Variants in PRKCQ observed in about 807,000 individuals in gnomAD.
PRKCQ encodes protein kinase C theta type.
PRKCQ carries 41 observed loss-of-function variants against 91.2 expected under a neutral mutation model. That is an observed-to-expected ratio of 0.45 (90% CI 0.35 to 0.58). The LOEUF is 0.58. Among genes scored for constraint, PRKCQ ranks in the 20% least tolerant of loss-of-function variants. The pLI, the probability that PRKCQ is intolerant of heterozygous loss-of-function variation, is 0.00. For missense variants in PRKCQ, 673 were observed against 896.5 expected (o/e 0.75, Z 3.18); for synonymous variants, 307 against 316.9 (o/e 0.97, Z 0.33).
chr10:6,522,563 T>C (rs1001784577), intron 1 of PRKCQ, among the ~76,000 whole-genome samples: 5 of 152,160 alleles, frequency 3.3e-5, no homozygotes, highest in Admixed American at 2.0e-4. Flanking sequence ...TAGAAAGCAA[T>C]AGAAGTATAA....
rs867831982 is a variant in PRKCQ, at chr10:6,525,145, G to C, written c.-9-10001C>G. On this transcript the variant is annotated intron_variant, in intron 1 of 17. Transcript: ENST00000263125. ...TGAAATGACTATGGATTTATTTTAAGTTCTTTTTTTTTTTTTTTGAGGGTA... is the reference window on the plus strand; with the variant it reads ...TGAAATGACTATGGATTTATTTTAACTTCTTTTTTTTTTTTTTTGAGGGTA... Among the ~76,000 whole-genome samples the C allele has an allele frequency of 4.1e-5, 6 of 146,064 alleles. No homozygotes were observed. The East Asian group carries it at 1.2e-3, about 29-fold the overall frequency.
At chr10:6,561,439 T>A (rs181047069) in intron 1 of PRKCQ, among the ~76,000 whole-genome samples, 9 of 152,042 alleles carry the variant, frequency 5.9e-5, no homozygotes, top group Non-Finnish European at 1.3e-4. Context: ...AAGGGTATCT[T>A]TTTGAACTTT....
intron 16 of PRKCQ, among the ~76,000 whole-genome samples, chr10:6,437,012 T>C (rs1214083518): frequency 1.3e-5 from 2 of 152,104 alleles, no homozygotes; most frequent in African/African-American, 2.4e-5. Context: ...GGATTGTGAC[T>C]CTCCCTCCAG....
chr10:6,556,413 C>T (rs889087591), intron 1 of PRKCQ, among the ~76,000 whole-genome samples: 1 of 106,404 alleles, frequency 9.4e-6, no homozygotes, highest in Non-Finnish European at 1.8e-5. Flanking sequence ...GCCTGAGCAA[C>T]AAAGCAAGAC....
chr10:6,413,725 G>GCA, the PRKCQ span, among the ~76,000 whole-genome samples: 5 of 55,774 alleles, frequency 9.0e-5, 1 homozygote, highest in East Asian at 5.4e-4. Flanking sequence ...TGCCACTTGT[G>GCA]CGCGCGCACA....
At chr10:6,529,088 G>C (rs530618462) in intron 1 of PRKCQ, among the ~76,000 whole-genome samples, 54 of 152,326 alleles carry the variant, frequency 3.5e-4, no homozygotes, top group African/African-American at 1.2e-3. Context: ...CATGTCATAA[G>C]CCTGTGCAAT....
At position 6,490,852 on chromosome 10, in the gene PRKCQ, TC is replaced by T. The variant is rs144407104; in HGVS notation, c.790+830del. Among the ~76,000 whole-genome samples, 1,370 of 150,710 alleles carry T rather than the reference TC, an allele frequency of 9.1e-3. 54 individuals carry two copies. The highest frequency in any genetic ancestry group is 0.028 in the East Asian group (143 of 5,154). Reference sequence around the variant, plus strand: ...ATTCTCTGGGCTCTGCCCACGTCTCTCCCCAACCAGAAAGCAGAGTGCCTTG... The same window carrying T: ...ATTCTCTGGGCTCTGCCCACGTCTCTCCCAACCAGAAAGCAGAGTGCCTTG... On this transcript the variant is annotated intron_variant, in intron 8 of 17. Transcript: ENST00000263125.
intron 12 of PRKCQ, among the ~76,000 whole-genome samples, chr10:6,476,154 G>A (rs1052169966): frequency 1.9e-4 from 29 of 152,136 alleles, no homozygotes; most frequent in Non-Finnish European, 3.4e-4. Context: ...GCAACCTCAG[G>A]CATAAATGGG....
At chr10:6,568,543 G>T (rs1158182307) in intron 1 of PRKCQ, among the ~76,000 whole-genome samples, 1 of 149,760 alleles carries the variant, frequency 6.7e-6, no homozygotes, top group Non-Finnish European at 1.5e-5. Context: ...TGTCTCCCAG[G>T]CTGGACTGCA....
chr10:6,519,423 G>T (rs532399919), intron 1 of PRKCQ, among the ~76,000 whole-genome samples: 31 of 152,160 alleles, frequency 2.0e-4, no homozygotes, highest in South Asian at 2.1e-4. Context: ...AGGATTCAGG[G>T]CTTGGCTGGC....
intron 16 of PRKCQ, among the ~76,000 whole-genome samples, chr10:6,436,974 G>C (rs1366500900): frequency 1.3e-5 from 2 of 152,140 alleles, no homozygotes; most frequent in Non-Finnish European, 2.9e-5. Context: ...GGGGAAGCTG[G>C]CATTTATGGG....
chr10:6,498,361 C>A, intron 5 of PRKCQ, 35 bp downstream of exon 5: 8 of 1,609,046 alleles, frequency 5.0e-6, no homozygotes, highest in Non-Finnish European at 6.8e-6. Context: ...AAATGCATAA[C>A]CCGAAGCTTG....
At chr10:6,428,967 AC>A (rs2132220686) in intron 17 of PRKCQ, among the ~76,000 whole-genome samples, 1 of 152,346 alleles carries the variant, frequency 6.6e-6, no homozygotes, top group African/African-American at 2.4e-5. Context: ...CCAAAACCAA[AC>A]CAAACAACAG....
At chr10:6,562,228 C>A (rs1308692303) in intron 1 of PRKCQ, among the ~76,000 whole-genome samples, 1 of 152,160 alleles carries the variant, frequency 6.6e-6, no homozygotes, top group Non-Finnish European at 1.5e-5. Context: ...CATAAATGCC[C>A]CGGTCAGTGC....
intron 8 of PRKCQ, among the ~76,000 whole-genome samples, chr10:6,488,871 C>A (rs1001280477): frequency 6.6e-6 from 1 of 152,180 alleles, no homozygotes; most frequent in Non-Finnish European, 1.5e-5. Context: ...CCTCAAACCC[C>A]TGGGTTCAAG....
chr10:6,564,544 G>A (rs577059145), intron 1 of PRKCQ, among the ~76,000 whole-genome samples: 4 of 152,094 alleles, frequency 2.6e-5, no homozygotes, highest in Admixed American at 6.5e-5. Context: ...GGAGGAAGAC[G>A]GGGTGGGGGA....
chr10:6,412,048 G>C, the PRKCQ span, among the ~76,000 whole-genome samples: 1 of 152,180 alleles, frequency 6.6e-6, no homozygotes, highest in Non-Finnish European at 1.5e-5. Flanking sequence ...ACAATAGCTG[G>C]AAGTTGAGGA....
intron 12 of PRKCQ, among the ~76,000 whole-genome samples, chr10:6,469,517 C>T (rs777947893): frequency 4.6e-5 from 7 of 152,112 alleles, no homozygotes; most frequent in African/African-American, 7.2e-5. Flanking sequence ...AGGGGCTGGG[C>T]GGAACCCCTC....
chr10:6,538,936 T>A (rs888525625), intron 1 of PRKCQ, among the ~76,000 whole-genome samples: 1 of 152,174 alleles, frequency 6.6e-6, no homozygotes, highest in African/African-American at 2.4e-5. Context: ...GCTAATTTTT[T>A]GTATTTTAGT....
Sources: allele counts gnomAD v4.1 joint callset (sites outside exome capture counted in the v4.1 genomes callset), GRCh38; gene constraint gnomAD v4.1.1; transcripts MANE v1.5; gene names NCBI Gene and HGNC (gene_info 2026-07-23, HGNC 2026-07-21).